HIVEP1: variants seen among roughly 807,000 people sequenced by gnomAD.
HIVEP1 encodes zinc finger protein 40.
In HIVEP1, 36 loss-of-function variants were observed where a neutral mutation model predicts 180.0. The observed-to-expected ratio is 0.20, with a 90% confidence interval of 0.15 to 0.26. The LOEUF (loss-of-function observed/expected upper bound fraction) is 0.26. Ranked by LOEUF, HIVEP1 falls within the 10% of genes least tolerant of loss-of-function variation. The pLI, the probability that HIVEP1 is intolerant of heterozygous loss-of-function variation, is 1.00. For synonymous variants in HIVEP1, 1,239 were observed against 1,239.0 expected, an observed-to-expected ratio of 1.00 and a Z score of 0.00; for missense variants, 3,143 against 3,268.7, an observed-to-expected ratio of 0.96 and a Z score of 0.94.
chr6:12,157,631 T>C (rs191887872), intron 7 of HIVEP1, among the ~76,000 whole-genome samples: 1 of 152,326 alleles, frequency 6.6e-6, no homozygotes, highest in African/African-American at 2.4e-5. Flanking sequence ...GCACAGTACA[T>C]TGTTTTACAC....
intron 2 of HIVEP1, among the ~76,000 whole-genome samples, chr6:12,043,359 T>TAA: frequency 2.1e-5 from 3 of 141,968 alleles, no homozygotes; most frequent in African/African-American, 5.5e-5. Context: ...GTGAAAATTT[T>TAA]TTTTTTTTTT....
chr6:12,126,062 G>A (rs771168719), intron 4 of HIVEP1, among the ~76,000 whole-genome samples, 192 bp downstream of exon 4: 7 of 152,130 alleles, frequency 4.6e-5, no homozygotes, highest in Non-Finnish European at 7.3e-5. Flanking sequence ...CAAGAGTCTT[G>A]CAGTGATTCT....
chr6:12,091,433 T>G (rs936556820), intron 3 of HIVEP1, among the ~76,000 whole-genome samples: 1 of 152,156 alleles, frequency 6.6e-6, no homozygotes, highest in African/African-American at 2.4e-5. Flanking sequence ...TTTGAGGCTC[T>G]TTCTCCCTTT....
intron 2 of HIVEP1, among the ~76,000 whole-genome samples, chr6:12,027,682 A>G (rs1486630834): frequency 6.6e-6 from 1 of 152,178 alleles, no homozygotes; most frequent in Non-Finnish European, 1.5e-5. Context: ...CCTTCTGACA[A>G]ATGAGCCCTA....
At chr6:12,011,358 A>T (rs868264947), upstream of HIVEP1, among the ~76,000 whole-genome samples, 1 of 123,780 alleles carries the variant, frequency 8.1e-6, no homozygotes, top group Middle Eastern at 4.9e-3. Flanking sequence ...GCCGGCCCAC[A>T]TCCTGCTGTA....
At chr6:12,148,622 A>C (rs1759512664) in intron 7 of HIVEP1, among the ~76,000 whole-genome samples, 1 of 152,232 alleles carries the variant, frequency 6.6e-6, no homozygotes, top group African/African-American at 2.4e-5. Flanking sequence ...TAGTCATGTT[A>C]CACAAACAGA....
the HIVEP1 span, among the ~76,000 whole-genome samples, chr6:12,211,324 C>T: frequency 4.9e-5 from 5 of 101,236 alleles, 2 homozygotes; most frequent in African/African-American, 2.3e-4. Context: ...GGCGTGAACC[C>T]GGGAGGCGGA....
intron 2 of HIVEP1, among the ~76,000 whole-genome samples, chr6:12,051,861 T>G (rs942883534): frequency 3.9e-5 from 6 of 152,234 alleles, no homozygotes; most frequent in Non-Finnish European, 8.8e-5. Context: ...TAATTATACT[T>G]CAGCAATCTT....
chr6:12,151,562 C>T (rs1385050052), intron 7 of HIVEP1, among the ~76,000 whole-genome samples: 1 of 152,158 alleles, frequency 6.6e-6, no homozygotes, highest in Non-Finnish European at 1.5e-5. Flanking sequence ...TAATCATATA[C>T]AGTACAAGCG....
rs772331975 is a variant in HIVEP1 at position 12,161,939 on chromosome 6, T to C, written c.6978+10T>C. On this transcript the variant is annotated intron_variant, in intron 8 of 8. Coordinates refer to ENST00000379388, the MANE Select transcript of HIVEP1 (RefSeq NM_002114.4). Reference sequence around the variant, plus strand: ...TGTTGCTATAACACAGGTAAATGATTGGCAGTTGTTCTTTTATTTCTTTTT... The same window carrying C: ...TGTTGCTATAACACAGGTAAATGATCGGCAGTTGTTCTTTTATTTCTTTTT... The C allele has an allele frequency of 6.3e-7, 1 of 1,583,806 alleles. No homozygotes were observed.
chr6:12,060,883 G>A lies in HIVEP1; in HGVS notation c.41-28301G>A, dbSNP rs536260574. On this transcript the variant is annotated intron_variant, in intron 2 of 8. Transcript: ENST00000379388. Reference sequence around the variant, plus strand: ...AAATTAAGTAGGGAGGGAAAATGGGGATGTTGTGACTGCTGACATTTGTGG... The same window carrying A: ...AAATTAAGTAGGGAGGGAAAATGGGAATGTTGTGACTGCTGACATTTGTGG... Among the ~76,000 whole-genome samples the A allele has an allele frequency of 6.0e-4, 91 of 152,264 alleles. 1 individual carries two copies. The highest frequency in any genetic ancestry group is 9.0e-4 in the Non-Finnish European group (61 of 68,012).
At chr6:12,155,127 C>T (rs1365603192) in intron 7 of HIVEP1, among the ~76,000 whole-genome samples, 1 of 152,214 alleles carries the variant, frequency 6.6e-6, no homozygotes, top group Non-Finnish European at 1.5e-5. Context: ...AAATTTCCCA[C>T]TGACCACTGC....
At chr6:12,106,742 G>A (rs928776293) in intron 3 of HIVEP1, among the ~76,000 whole-genome samples, 1 of 152,142 alleles carries the variant, frequency 6.6e-6, no homozygotes, top group Non-Finnish European at 1.5e-5. Flanking sequence ...GTCTACAGAA[G>A]TGATTAAAAA....
intron 7 of HIVEP1, among the ~76,000 whole-genome samples, chr6:12,150,850 A>G (rs1174470500): frequency 1.3e-5 from 2 of 152,122 alleles, no homozygotes; most frequent in Non-Finnish European, 2.9e-5. Context: ...GCCATTGTTT[A>G]TCTGGCTTTC....
In HIVEP1 at chr6:12,164,407, C is replaced by G. The variant is rs767239621; in HGVS notation, c.8103C>G (p.His2701Gln). Residue 2701 changes from histidine (H) to glutamine (Q), a missense_variant, in exon 9 of 9, where the codon CAC becomes CAG. By Grantham distance (24) the His-to-Gln change is conservative (BLOSUM62 0). This residue lies in a region of HIVEP1 where 595 missense variants were observed against 602.2 expected (regional missense o/e 0.99). Transcript: ENST00000379388. ...TALPRRQPTVHFSDVSSDDDE... is the reference protein window; with the variant it reads ...TALPRRQPTVQFSDVSSDDDE... The stretch of plus-strand genomic sequence containing the variant: ...TACCGCGGAGGCAGCCCACTGTGCA[C>G]TTCAGCGACGTGAGCAGCGATGATG... 4.3e-6 allele frequency: 7 copies of G among 1,614,074 alleles called. No individual in the cohort carries two copies. In the South Asian group the frequency reaches 7.7e-5, roughly 18 times the overall value.
chr6:12,125,921 C>A, intron 4 of HIVEP1, 51 bp downstream of exon 4: 1 of 1,083,160 alleles, frequency 9.2e-7, no homozygotes, highest in Non-Finnish European at 1.3e-6. Flanking sequence ...AATTTGTTTC[C>A]ATGTGTCTTG....
downstream of HIVEP1, among the ~76,000 whole-genome samples, chr6:12,168,038 T>C (rs1760780228): frequency 1.7e-5 from 1 of 60,146 alleles, no homozygotes; most frequent in African/African-American, 4.9e-5. Flanking sequence ...ATATATTATA[T>C]ATACATATAC....
Position 12,124,333 on chromosome 6 carries a change from A to G in HIVEP1, c.4538A>G (p.Asn1513Ser). ...VFPVQQLCDI[N>S]LLNQIHAPPS... ...CCTGTTCAACAGCTCTGTGATATCAATTTGTTAAATCAAATCCATGCACCG... is the reference window on the plus strand; with the variant it reads ...CCTGTTCAACAGCTCTGTGATATCAGTTTGTTAAATCAAATCCATGCACCG... The change falls in exon 4 of 9, where the codon AAT becomes AGT. Residue 1513 changes from asparagine (N) to serine (S), a missense_variant. This residue lies in a region of HIVEP1 where 1,357 missense variants were observed against 1,260.5 expected (regional missense o/e 1.08). Transcript: ENST00000379388. 1.9e-6 allele frequency: 3 copies of G among 1,614,048 alleles called. No homozygotes were observed. Among genetic ancestry groups the G allele is most frequent in the South Asian group, 1.1e-5 (1 of 91,078 alleles).
In HIVEP1 at chr6:12,121,892, A is replaced by G. The variant is rs1220343682; in HGVS notation, c.2097A>G (p.Thr699=). The G allele has an allele frequency of 1.9e-6, 3 of 1,614,224 alleles. No individual in the cohort carries two copies. The East Asian group carries it at 6.7e-5, about 36-fold the overall frequency. The change falls in exon 4 of 9, where the codon ACA becomes ACG. Residue 699 remains threonine, a synonymous_variant. Coordinates refer to ENST00000379388, the MANE Select transcript of HIVEP1 (RefSeq NM_002114.4). This position sits in a 1 kb window ranked among gnomAD's most constrained non-coding sequence, Gnocchi z 5.3. ...PTPFARRLPS[T]EQDSGRSNGP... is the part of the protein sequence containing the mutation. ...CCTTTGCCAGAAGGTTACCCAGCAC[A>G]GAACAAGACTCTGGAAGGAGTAACG...
Sources: allele counts gnomAD v4.1 joint callset (sites outside exome capture counted in the v4.1 genomes callset), GRCh38; gene constraint gnomAD v4.1.1; regional missense constraint gnomAD v4.1.1; non-coding constraint Gnocchi (gnomAD v3.1); transcripts MANE v1.5; gene names NCBI Gene and HGNC (gene_info 2026-07-23, HGNC 2026-07-21).